Variants in GPC6 observed in about 807,000 individuals in gnomAD.
The protein encoded by GPC6 is glypican 6, also known as glypican-6.
A neutral mutation model predicts 55.2 loss-of-function variants in GPC6; 14 were observed. The ratio of observed to expected loss-of-function variants is 0.25; its 90% CI spans 0.17 to 0.40. The LOEUF is 0.40. Ranked by LOEUF, GPC6 falls within the 10% of genes least tolerant of loss-of-function variation. The pLI, the probability that GPC6 is intolerant of heterozygous loss-of-function variation, is 1.00. For missense variants in GPC6, 641 were observed against 708.5 expected (o/e 0.90, Z 1.08); for synonymous variants, 278 against 259.6 (o/e 1.07, Z -0.68).
chr13:93,316,325 T>C (rs9589711), intron 1 of GPC6, among the ~76,000 whole-genome samples: 3,333 of 152,170 alleles, frequency 0.022, 129 homozygotes, highest in African/African-American at 0.076. Flanking sequence ...GTTTTCCTAA[T>C]GTGTGGGTAT....
intron 4 of GPC6, among the ~76,000 whole-genome samples, chr13:94,199,476 T>A (rs1055661704): frequency 1.2e-4 from 18 of 152,136 alleles, no homozygotes; most frequent in African/African-American, 4.1e-4. Flanking sequence ...AGTTTCCTCA[T>A]CTGTAAATTT....
At chr13:93,501,359 GA>G (rs1332262673) in intron 1 of GPC6, among the ~76,000 whole-genome samples, 1 of 152,124 alleles carries the variant, frequency 6.6e-6, no homozygotes, top group Non-Finnish European at 1.5e-5. Flanking sequence ...ATAAGGTAGA[GA>G]ACCAGAAGTG....
chr13:93,399,435 G>A (rs1007639311), intron 1 of GPC6, among the ~76,000 whole-genome samples: 3 of 152,134 alleles, frequency 2.0e-5, no homozygotes, highest in South Asian at 2.1e-4. Context: ...TCATAAATCC[G>A]CCTTGAGTGA....
intron 6 of GPC6, among the ~76,000 whole-genome samples, chr13:94,341,830 A>G (rs1204938151): frequency 6.6e-6 from 1 of 152,244 alleles, no homozygotes; most frequent in African/African-American, 2.4e-5. Flanking sequence ...TTAATGAATG[A>G]TATTAATAAT....
intron 2 of GPC6, among the ~76,000 whole-genome samples, chr13:93,714,169 A>T (rs1293037478): frequency 6.6e-6 from 1 of 151,970 alleles, no homozygotes; most frequent in Non-Finnish European, 1.5e-5. Context: ...AATGGGAGAA[A>T]ATATTCACAA....
rs74111044 is a variant in GPC6, at chr13:93,903,357, C to G, written c.711+72812C>G. ...TGTTACTTTTACTTGATCTTTATAA[C>G]CAGTAATTTTTCTCCTTCAGTTTTT... is the stretch of plus-strand genomic sequence containing the variant. On this transcript the variant is annotated intron_variant, in intron 3 of 8. Transcript: ENST00000377047. Among the ~76,000 whole-genome samples, 1,103 of 152,252 alleles carry G rather than the reference C, an allele frequency of 7.2e-3. 12 individuals carry two copies. Among genetic ancestry groups the G allele is most frequent in the African/African-American group, 0.025 (1,052 of 41,550 alleles).
chr13:94,152,268 G>C (rs1161647203), intron 4 of GPC6, among the ~76,000 whole-genome samples: 1 of 152,144 alleles, frequency 6.6e-6, no homozygotes, highest in African/African-American at 2.4e-5. Context: ...GATGTCCAAA[G>C]TTCTTGACTT....
intron 4 of GPC6, among the ~76,000 whole-genome samples, chr13:94,029,144 T>A (rs955368077): frequency 2.6e-5 from 4 of 152,216 alleles, no homozygotes; most frequent in African/African-American, 9.6e-5. Context: ...AAGCTCACTG[T>A]ACAAAGATGT....
chr13:94,351,071 C>G (rs1459547470), intron 6 of GPC6, among the ~76,000 whole-genome samples: 1 of 151,932 alleles, frequency 6.6e-6, no homozygotes, highest in South Asian at 2.1e-4. Context: ...AAGAAAATAC[C>G]CAGGACCTGG....
At chr13:93,842,367 T>A (rs147960364) in intron 3 of GPC6, among the ~76,000 whole-genome samples, 139 of 152,226 alleles carry the variant, frequency 9.1e-4, no homozygotes, top group African/African-American at 3.0e-3. Flanking sequence ...TTATGCCCCA[T>A]TTTCCATAAA....
In GPC6 at chr13:93,973,428, T is replaced by G. The variant is rs1281464092; in HGVS notation, c.712-54301T>G. 2.6e-5 allele frequency among the ~76,000 whole-genome samples: 4 copies of G among 152,196 alleles called. No homozygotes were observed. The East Asian group carries it at 7.7e-4, about 29-fold the overall frequency. ...CATTTGGTCTGCAATTTGATTAAAC[T>G]GCTTCCAAGTGACAACAGGGTTAGA... On this transcript the variant is annotated intron_variant, in intron 3 of 8. Coordinates refer to ENST00000377047, the MANE Select transcript of GPC6 (RefSeq NM_005708.5).
At chr13:94,306,220 A>G in intron 6 of GPC6, 97 bp downstream of exon 6, 1 of 1,253,184 alleles carries the variant, frequency 8.0e-7, no homozygotes, top group Non-Finnish European at 1.2e-6. Flanking sequence ...TTGTTATAAG[A>G]GTCATCTCAT....
chr13:93,939,371 A>C (rs138394575), intron 3 of GPC6, among the ~76,000 whole-genome samples: 2 of 150,936 alleles, frequency 1.3e-5, no homozygotes, highest in Non-Finnish European at 3.0e-5. Flanking sequence ...GTGAGCCGAG[A>C]TGCGCCACTG....
chr13:94,401,799 G>A (rs1881142123), intron 8 of GPC6, among the ~76,000 whole-genome samples: 1 of 151,960 alleles, frequency 6.6e-6, no homozygotes, highest in East Asian at 1.9e-4. Flanking sequence ...AGGTACAGAG[G>A]CACATGCCTA....
chr13:93,269,469 G>A (rs141358522), intron 1 of GPC6, among the ~76,000 whole-genome samples: 4 of 152,224 alleles, frequency 2.6e-5, no homozygotes, highest in Admixed American at 2.0e-4. Flanking sequence ...ACATTTCGCA[G>A]CCCTAGAGTA....
chr13:93,555,164 A>G (rs983021669), intron 2 of GPC6, among the ~76,000 whole-genome samples: 8 of 152,194 alleles, frequency 5.3e-5, no homozygotes, highest in African/African-American at 1.9e-4. Context: ...TTCTGTGGTC[A>G]TTACAGGATT....
intron 4 of GPC6, among the ~76,000 whole-genome samples, chr13:94,256,467 C>A (rs1304579889): frequency 6.6e-6 from 1 of 152,136 alleles, no homozygotes; most frequent in African/African-American, 2.4e-5. Flanking sequence ...CAGGAACAGA[C>A]CAAGAGCAAG....
At chr13:94,344,021 G>C (rs1264256106) in intron 6 of GPC6, among the ~76,000 whole-genome samples, 1 of 152,160 alleles carries the variant, frequency 6.6e-6, no homozygotes, top group Non-Finnish European at 1.5e-5. Flanking sequence ...GTGAGTCACT[G>C]TGCCTGGCCC....
intron 2 of GPC6, among the ~76,000 whole-genome samples, chr13:93,742,191 G>A (rs1884229712): frequency 6.6e-6 from 1 of 151,762 alleles, no homozygotes; most frequent in African/African-American, 2.4e-5. Context: ...TGAAAATTTA[G>A]AATGAACATT....
Sources: allele counts gnomAD v4.1 joint callset (sites outside exome capture counted in the v4.1 genomes callset), GRCh38; gene constraint gnomAD v4.1.1; transcripts MANE v1.5; gene names NCBI Gene and HGNC (gene_info 2026-07-23, HGNC 2026-07-21).